The following UPP2 variants were observed in gnomAD, a reference collection of about 807,000 sequenced individuals.
UPP2 encodes uridine phosphorylase 2, also known as UPase 2.
UPP2 carries 23 observed loss-of-function variants against 26.7 expected under a neutral mutation model. The ratio of observed to expected loss-of-function variants is 0.86; its 90% CI spans 0.62 to 1.22. The LOEUF is 1.22. UPP2 is among the 50% of genes most tolerant of loss of function. The pLI, the probability that UPP2 is intolerant of heterozygous loss-of-function variation, is 0.00. For missense variants in UPP2, 387 were observed against 396.7 expected, an observed-to-expected ratio of 0.98 and a Z score of 0.21; for synonymous variants, 127 against 141.3, an observed-to-expected ratio of 0.90 and a Z score of 0.72.
intron 3 of UPP2, among the ~76,000 whole-genome samples, chr2:158,026,879 CAAG>C (rs1417511565): frequency 8.5e-5 from 13 of 152,204 alleles, no homozygotes; most frequent in Admixed American, 2.0e-4. Context: ...ATAGTGACAG[CAAG>C]AAGAAGTGAG....
At chr2:158,097,352 C>T (rs149271098), upstream of UPP2, among the ~76,000 whole-genome samples, 15 of 151,784 alleles carry the variant, frequency 9.9e-5, no homozygotes, top group African/African-American at 3.6e-4. Flanking sequence ...TAATCATTGT[C>T]CAAAGAGAAA....
At chr2:158,081,953 A>AT (rs201070868) in intron 3 of UPP2, among the ~76,000 whole-genome samples, 8,332 of 144,886 alleles carry the variant, frequency 0.058, 260 homozygotes, top group Non-Finnish European at 0.084. Context: ...TACATGAATA[A>AT]TTTTTTTTTT....
At chr2:158,031,155 G>A (rs1327099943) in intron 3 of UPP2, among the ~76,000 whole-genome samples, 1 of 152,160 alleles carries the variant, frequency 6.6e-6, no homozygotes, top group Admixed American at 6.5e-5. Context: ...AGATCAGTGT[G>A]GGCTGGAGTG....
At chr2:158,057,126 A>G (rs963490505) in intron 3 of UPP2, among the ~76,000 whole-genome samples, 3 of 152,216 alleles carry the variant, frequency 2.0e-5, no homozygotes, top group African/African-American at 7.2e-5. Context: ...CATCTTATCA[A>G]GGGTACACAG....
Position 158,134,746 on chromosome 2 carries a change from A to G in UPP2, c.812-2A>G, listed in dbSNP as rs752103208. On this transcript the variant is annotated splice_acceptor_variant, in intron 6 of 6. Coordinates refer to ENST00000005756, the MANE Select transcript of UPP2 (RefSeq NM_173355.4). LOFTEE classifies it high-confidence loss of function. ...CATCAGTTGTGCTAATTGCTCTTCT[A>G]GCTGCTGTGGTCTGTGTGACACTTC... The G allele has an allele frequency of 3.1e-6, 5 of 1,600,060 alleles. No homozygotes were observed. In the Middle Eastern group the frequency reaches 6.6e-4, roughly 213 times the overall value.
chr2:158,020,661 C>T (rs1439381119), intron 3 of UPP2, among the ~76,000 whole-genome samples: 2 of 152,160 alleles, frequency 1.3e-5, no homozygotes, highest in African/African-American at 4.8e-5. Context: ...AGGCACAGGG[C>T]TGAGGTTCAC....
intron 3 of UPP2, among the ~76,000 whole-genome samples, chr2:158,071,906 G>A (rs895460986): frequency 2.6e-5 from 4 of 152,140 alleles, no homozygotes; most frequent in Non-Finnish European, 5.9e-5. Context: ...CCCAGCTGCA[G>A]CGACTACTAT....
intron 4 of UPP2, among the ~76,000 whole-genome samples, chr2:158,118,888 G>T (rs1683499807): frequency 6.6e-6 from 1 of 152,076 alleles, no homozygotes; most frequent in Non-Finnish European, 1.5e-5. Context: ...AGACATGTTG[G>T]AAAAGATGAT....
Position 158,086,595 on chromosome 2 carries a change from T to C in UPP2, c.148-15445T>C, listed in dbSNP as rs998118143. ...GGTGTGACCTTAGATTGTCTATTTGTGGTCTTTCAGATGTTTTGATGTAGA... is the reference window on the plus strand; with the variant it reads ...GGTGTGACCTTAGATTGTCTATTTGCGGTCTTTCAGATGTTTTGATGTAGA... On this transcript the variant is annotated intron_variant, in intron 3 of 9. Coordinates refer to the UPP2 transcript ENST00000605860. 9.6e-4 allele frequency among the ~76,000 whole-genome samples: 146 copies of C among 152,198 alleles called. 1 individual carries two copies. The highest frequency in any genetic ancestry group is 3.4e-3 in the African/African-American group (142 of 41,582).
At chr2:158,084,957 G>T (rs1682789721) in intron 3 of UPP2, among the ~76,000 whole-genome samples, 1 of 152,084 alleles carries the variant, frequency 6.6e-6, no homozygotes, top group Non-Finnish European at 1.5e-5. Flanking sequence ...TTTTTGCTTA[G>T]TCTTGCTTTG....
intron 3 of UPP2, among the ~76,000 whole-genome samples, chr2:158,079,240 C>T (rs532470799): frequency 6.6e-6 from 1 of 152,160 alleles, no homozygotes; most frequent in Non-Finnish European, 1.5e-5. Flanking sequence ...CGGACTAACA[C>T]ATACCCCATA....
intron 6 of UPP2, among the ~76,000 whole-genome samples, chr2:158,129,286 C>T (rs546341200): frequency 1.3e-5 from 2 of 152,212 alleles, no homozygotes; most frequent in Non-Finnish European, 2.9e-5. Flanking sequence ...AAGGCTCCAT[C>T]GTCTACCTAT....
intron 3 of UPP2, among the ~76,000 whole-genome samples, chr2:158,053,533 T>C (rs1224967827): frequency 6.6e-6 from 1 of 152,180 alleles, no homozygotes; most frequent in African/African-American, 2.4e-5. Context: ...CAGTACCATG[T>C]ACAGGGCTGG....
At chr2:158,073,768 G>A (rs775693200) in intron 3 of UPP2, among the ~76,000 whole-genome samples, 1 of 152,126 alleles carries the variant, frequency 6.6e-6, no homozygotes, top group Non-Finnish European at 1.5e-5. Flanking sequence ...GAGAAATAAA[G>A]ACTTTCCTAG....
chr2:158,028,289 T>G (rs1054066089), intron 3 of UPP2, among the ~76,000 whole-genome samples: 1 of 152,320 alleles, frequency 6.6e-6, no homozygotes, highest in Admixed American at 6.5e-5. Context: ...GCTTAGAAGT[T>G]TCTTCCACCA....
intron 3 of UPP2, among the ~76,000 whole-genome samples, chr2:158,023,624 G>A (rs1683790003): frequency 6.6e-6 from 1 of 152,142 alleles, no homozygotes; most frequent in African/African-American, 2.4e-5. Context: ...CATCGAGTTG[G>A]GACATGGAGC....
chr2:158,112,044 C>T (rs1353070630), intron 2 of UPP2, among the ~76,000 whole-genome samples: 4 of 152,230 alleles, frequency 2.6e-5, no homozygotes, highest in African/African-American at 9.6e-5. Context: ...AAATATTCTA[C>T]AGATTCAATG....
chr2:158,100,606 T>C (rs371814353), upstream of UPP2, among the ~76,000 whole-genome samples: 280 of 152,288 alleles, frequency 1.8e-3, 4 homozygotes, highest in South Asian at 0.025. Flanking sequence ...TAGACCAGCC[T>C]GAGATGAGTC....
chr2:158,029,900 C>T (rs1327330562), intron 3 of UPP2, among the ~76,000 whole-genome samples: 2 of 151,156 alleles, frequency 1.3e-5, no homozygotes, highest in Admixed American at 6.6e-5. Context: ...TACAAAAATG[C>T]GTTTTAGAAA....
Sources: gnomAD v4.1 joint callset for allele counts (sites outside exome capture counted in the v4.1 genomes callset) on GRCh38, gnomAD v4.1.1 for gene constraint, MANE v1.5 for transcripts, NCBI Gene and HGNC (gene_info 2026-07-23, HGNC 2026-07-21) for gene names.